Variants in ADAMTSL1 observed in about 807,000 individuals in gnomAD.
The protein encoded by ADAMTSL1 is ADAMTS-like protein 1.
ADAMTSL1 carries 126 observed loss-of-function variants against 201.8 expected under a neutral mutation model. The observed-to-expected ratio is 0.62, with a 90% CI of 0.54 to 0.72. The LOEUF (loss-of-function observed/expected upper bound fraction) is 0.72. Among genes scored for constraint, ADAMTSL1 ranks in the 30% least tolerant of loss-of-function variants. The pLI is 0.00. For missense variants in ADAMTSL1, 2,679 were observed against 2,277.8 expected, an observed-to-expected ratio of 1.18 and a Z score of -3.59; for synonymous variants, 1,121 against 903.4, an observed-to-expected ratio of 1.24 and a Z score of -4.32.
chr9:17,979,197 G>A (rs1353349567), intron 1 of ADAMTSL1, among the ~76,000 whole-genome samples: 1 of 151,978 alleles, frequency 6.6e-6, no homozygotes, highest in South Asian at 2.1e-4. Flanking sequence ...CATAAACCTG[G>A]ATGTCCATAT....
intron 2 of ADAMTSL1, among the ~76,000 whole-genome samples, chr9:18,404,897 C>A (rs1423780442): frequency 3.3e-5 from 5 of 152,148 alleles, no homozygotes; most frequent in Non-Finnish European, 7.3e-5. Flanking sequence ...TCTTGTTGTT[C>A]CACATGCACC....
chr9:18,347,131 C>T (rs2133001426), intron 2 of ADAMTSL1, among the ~76,000 whole-genome samples: 1 of 152,208 alleles, frequency 6.6e-6, no homozygotes. Context: ...TTCTTTTCCT[C>T]CTTATGTGAA....
intron 3 of ADAMTSL1, among the ~76,000 whole-genome samples, chr9:18,535,454 A>G (rs1334433687): frequency 1.3e-5 from 2 of 152,104 alleles, no homozygotes; most frequent in African/African-American, 4.8e-5. Flanking sequence ...AGGAAGTTCC[A>G]ACCTTTCCCA....
intron 1 of ADAMTSL1, among the ~76,000 whole-genome samples, chr9:18,055,779 G>T (rs942429807): frequency 2.0e-5 from 3 of 152,200 alleles, no homozygotes; most frequent in East Asian, 1.9e-4. Flanking sequence ...TTAGGATAAA[G>T]CTCTGGTTTT....
In ADAMTSL1 at chr9:18,639,377, TGG is replaced by T. The variant is rs1324539175; in HGVS notation, c.801_802del (p.Met267IlefsTer14). ...TTTCCAGACAAAGAGATACTGAGAA[TGG>T]CTGGACCACTCACAGCAGATTTCAT... On this transcript the variant is annotated frameshift_variant, in exon 7 of 29. Transcript: ENST00000380548. LOFTEE classifies it high-confidence loss of function. 1.9e-6 allele frequency: 3 copies of T among 1,612,950 alleles called. No homozygotes were observed. Among genetic ancestry groups the T allele is most frequent in the Non-Finnish European group, 2.5e-6 (3 of 1,179,208 alleles).
chr9:18,140,471 A>G (rs1826350652), intron 1 of ADAMTSL1, among the ~76,000 whole-genome samples: 1 of 152,216 alleles, frequency 6.6e-6, no homozygotes, highest in Non-Finnish European at 1.5e-5. Context: ...GACTTTCTCC[A>G]GCAACAAGTT....
chr9:18,256,505 G>C (rs775677586), intron 2 of ADAMTSL1, among the ~76,000 whole-genome samples: 1 of 152,202 alleles, frequency 6.6e-6, no homozygotes, highest in Non-Finnish European at 1.5e-5. Flanking sequence ...AACCTTCTCT[G>C]TCTAAAACAC....
chr9:17,951,232 G>C (rs905362582), intron 1 of ADAMTSL1, among the ~76,000 whole-genome samples: 1 of 152,176 alleles, frequency 6.6e-6, no homozygotes, highest in African/African-American at 2.4e-5. Flanking sequence ...AAGGTAAAGA[G>C]ATGTGTGGCA....
intron 16 of ADAMTSL1, among the ~76,000 whole-genome samples, chr9:18,755,239 G>C (rs905445665): frequency 6.6e-6 from 1 of 152,172 alleles, no homozygotes; most frequent in African/African-American, 2.4e-5. Context: ...CCTCTAATTG[G>C]AGTGAATCTA....
chr9:18,759,667 G>A (rs1384501145), intron 16 of ADAMTSL1, among the ~76,000 whole-genome samples: 1 of 152,306 alleles, frequency 6.6e-6, no homozygotes, highest in Admixed American at 6.5e-5. Flanking sequence ...AGCTTCACAT[G>A]TGGTTGTTTT....
At chr9:18,200,457 A>T (rs1215532975) in intron 2 of ADAMTSL1, among the ~76,000 whole-genome samples, 2 of 152,154 alleles carry the variant, frequency 1.3e-5, no homozygotes, top group African/African-American at 2.4e-5. Flanking sequence ...CATGGTGTTT[A>T]AAAACTTCAG....
chr9:18,246,895 T>C (rs1831274826), intron 2 of ADAMTSL1, among the ~76,000 whole-genome samples: 1 of 152,136 alleles, frequency 6.6e-6, no homozygotes. Context: ...GGAGAGGAGA[T>C]TTTCTGACTG....
chr9:17,985,833 T>G (rs1383357433), intron 1 of ADAMTSL1, among the ~76,000 whole-genome samples: 1 of 152,110 alleles, frequency 6.6e-6, no homozygotes, highest in Non-Finnish European at 1.5e-5. Flanking sequence ...TTTGTTAGTA[T>G]GAATTGTAGG....
At chr9:18,112,239 C>G (rs1825055293) in intron 1 of ADAMTSL1, among the ~76,000 whole-genome samples, 1 of 152,038 alleles carries the variant, frequency 6.6e-6, no homozygotes, top group Non-Finnish European at 1.5e-5. Context: ...AGGTCCTGTC[C>G]ATTTTTGCCT....
In ADAMTSL1 at chr9:18,434,820, T is replaced by G. The variant is rs138857060; in HGVS notation, c.208-70009T>G. Among the ~76,000 whole-genome samples, 184 of 152,338 alleles carry G rather than the reference T, an allele frequency of 1.2e-3. 1 individual carries two copies. The highest frequency in any genetic ancestry group is 4.1e-3 in the African/African-American group (169 of 41,578). On this transcript the variant is annotated intron_variant, in intron 2 of 29. Transcript: ENST00000680146. ...TTAGTACCCTTCCCCAGCTTGCTGG[T>G]ATCACCTTATTCAGTATTCAGTTCT...
intron 2 of ADAMTSL1, among the ~76,000 whole-genome samples, chr9:18,369,702 A>G (rs1319227803): frequency 6.6e-6 from 1 of 152,210 alleles, no homozygotes; most frequent in East Asian, 1.9e-4. Flanking sequence ...ATGCTTGTAT[A>G]TTTATTACAG....
intron 2 of ADAMTSL1, among the ~76,000 whole-genome samples, chr9:18,449,148 G>A (rs1171022070): frequency 6.6e-6 from 1 of 151,778 alleles, no homozygotes; most frequent in Non-Finnish European, 1.5e-5. Flanking sequence ...GAGTTGGGGG[G>A]ATTTAGGGAG....
At chr9:18,688,641 C>A (rs1830993640) in intron 13 of ADAMTSL1, among the ~76,000 whole-genome samples, 4 of 95,716 alleles carry the variant, frequency 4.2e-5, no homozygotes, top group Non-Finnish European at 8.0e-5. Flanking sequence ...AAACTCCAGC[C>A]TGGGTAACAG....
intron 23 of ADAMTSL1, among the ~76,000 whole-genome samples, chr9:18,856,599 G>A (rs527664149): frequency 6.6e-6 from 1 of 151,622 alleles, no homozygotes; most frequent in East Asian, 2.0e-4. Flanking sequence ...GAGTAGCTGG[G>A]GTTACAGGCT....
Sources: gnomAD v4.1 joint callset for allele counts (sites outside exome capture counted in the v4.1 genomes callset) on GRCh38, gnomAD v4.1.1 for gene constraint, MANE v1.5 for transcripts, NCBI Gene and HGNC (gene_info 2026-07-23, HGNC 2026-07-21) for gene names.